Variants in BRD10 observed in about 807,000 individuals in gnomAD.
BRD10 encodes the protein uncharacterized bromodomain-containing protein 10.
the BRD10 span, chr9:5,921,451 A>C: frequency 1.9e-6 from 3 of 1,614,008 alleles, no homozygotes; most frequent in Non-Finnish European, 2.5e-6. Context: ...TTGATGTACC[A>C]CTAGGAACTG....
At chr9:5,922,779 A>G in the BRD10 span, 12 of 1,613,992 alleles carry the variant, frequency 7.4e-6, no homozygotes, top group Non-Finnish European at 1.0e-5. Flanking sequence ...ATTGGCAACC[A>G]CTGGCCACAG....
At chr9:5,896,613 G>C in the BRD10 span, among the ~76,000 whole-genome samples, 2 of 152,186 alleles carry the variant, frequency 1.3e-5, no homozygotes, top group Non-Finnish European at 2.9e-5. Flanking sequence ...CTTTCTTAGC[G>C]AGTTGACAAC....
At chr9:5,953,910 A>C in the BRD10 span, 1 of 696,058 alleles carries the variant, frequency 1.4e-6, no homozygotes, top group Non-Finnish European at 2.5e-6. Flanking sequence ...ATTTCATTAC[A>C]AGTAAGTGTG....
At chr9:5,907,034 A>G in the BRD10 span, 1 of 1,362,740 alleles carries the variant, frequency 7.3e-7, no homozygotes, top group South Asian at 1.3e-5. Context: ...ATTTTCATGA[A>G]TGGCTGTTTT....
the BRD10 span, among the ~76,000 whole-genome samples, chr9:5,979,161 T>G: frequency 6.6e-6 from 1 of 152,226 alleles, no homozygotes; most frequent in African/African-American, 2.4e-5. Context: ...TTCCAGTGAT[T>G]TCCAGATCAG....
the BRD10 span, among the ~76,000 whole-genome samples, chr9:5,995,195 C>A: frequency 2.0e-5 from 3 of 152,228 alleles, no homozygotes; most frequent in African/African-American, 7.2e-5. Flanking sequence ...GCCACCATGC[C>A]GGCCCAAATG....
the BRD10 span, chr9:5,968,031 T>G: frequency 6.6e-7 from 1 of 1,518,464 alleles, no homozygotes; most frequent in Non-Finnish European, 8.8e-7. Flanking sequence ...GATTTGTGCT[T>G]CTTGTGTTTT....
At chr9:5,933,137 C>T in the BRD10 span, among the ~76,000 whole-genome samples, 1 of 152,120 alleles carries the variant, frequency 6.6e-6, no homozygotes, top group Non-Finnish European at 1.5e-5. Flanking sequence ...ATGACTTTCT[C>T]TAATAAAAAT....
At chr9:5,986,216 A>G in the BRD10 span, among the ~76,000 whole-genome samples, 8 of 152,142 alleles carry the variant, frequency 5.3e-5, no homozygotes, top group African/African-American at 1.9e-4. Context: ...GAGTGAGAAC[A>G]TGTGGTGTTT....
the BRD10 span, chr9:6,008,383 G>A: frequency 6.1e-6 from 5 of 817,502 alleles, no homozygotes; most frequent in East Asian, 1.2e-4. Context: ...AAGGGGAGGG[G>A]CAGGGAGAGA....
the BRD10 span, among the ~76,000 whole-genome samples, chr9:6,004,072 A>G: frequency 6.6e-6 from 1 of 152,164 alleles, no homozygotes; most frequent in African/African-American, 2.4e-5. Context: ...CCTTCCTAAA[A>G]AGTTCAGTAG....
the BRD10 span, among the ~76,000 whole-genome samples, chr9:5,934,647 C>T: frequency 0.24 from 36,878 of 151,886 alleles, 4,662 homozygotes; most frequent in South Asian, 0.36. Flanking sequence ...ATTACAGACA[C>T]GAGCCACTGC....
At chr9:5,964,296 C>T in the BRD10 span, among the ~76,000 whole-genome samples, 2 of 150,010 alleles carry the variant, frequency 1.3e-5, no homozygotes, top group African/African-American at 4.9e-5. Context: ...CCAAAAAACA[C>T]ATGAAAAAAT....
chr9:5,961,391 T>C, the BRD10 span, among the ~76,000 whole-genome samples: 2 of 152,114 alleles, frequency 1.3e-5, no homozygotes, highest in African/African-American at 2.4e-5. Flanking sequence ...CTCTATATTC[T>C]TTAAAGAAAA....
At chr9:5,897,871 C>G in the BRD10 span, among the ~76,000 whole-genome samples, 2 of 152,204 alleles carry the variant, frequency 1.3e-5, no homozygotes, top group African/African-American at 4.8e-5. Context: ...GTGTCTTAGT[C>G]TGTGATTATA....
At chr9:5,934,945 C>A in the BRD10 span, among the ~76,000 whole-genome samples, 1 of 152,098 alleles carries the variant, frequency 6.6e-6, no homozygotes, top group African/African-American at 2.4e-5. Flanking sequence ...ATACTATATT[C>A]AATAAGTATT....
the BRD10 span, among the ~76,000 whole-genome samples, chr9:5,981,167 G>A: frequency 4.2e-4 from 64 of 152,162 alleles, no homozygotes; most frequent in Non-Finnish European, 4.7e-4. Context: ...CTTCCCTTGG[G>A]TTCATCAATG....
the BRD10 span, among the ~76,000 whole-genome samples, chr9:5,893,430 C>T: frequency 6.6e-6 from 1 of 152,196 alleles, no homozygotes; most frequent in Admixed American, 6.5e-5. Context: ...TGTTAACAGT[C>T]AACCGCAGGG....
chr9:6,006,268 C>A, the BRD10 span, among the ~76,000 whole-genome samples: 1 of 152,088 alleles, frequency 6.6e-6, no homozygotes, highest in South Asian at 2.1e-4. Flanking sequence ...ATTATTATCC[C>A]CGCTTGATAG....
Sources: allele counts gnomAD v4.1 joint callset (sites outside exome capture counted in the v4.1 genomes callset), GRCh38; gene constraint gnomAD v4.1.1; transcripts MANE v1.5; gene names NCBI Gene and HGNC (gene_info 2026-07-23, HGNC 2026-07-21).